The following AFF3 variants were observed in gnomAD, a reference collection of about 807,000 sequenced individuals.
AFF3 encodes AF4/FMR2 family member 3.
A neutral mutation model predicts 129.7 loss-of-function variants in AFF3; 32 were observed. The observed-to-expected ratio is 0.25, with a 90% CI of 0.19 to 0.33. The LOEUF (loss-of-function observed/expected upper bound fraction) is 0.33, where lower values mean the gene tolerates loss of function less well. Among genes scored for constraint, AFF3 ranks in the 10% least tolerant of loss-of-function variants. The pLI is 1.00. For synonymous variants in AFF3, 644 were observed against 635.4 expected (o/e 1.01, Z -0.20); for missense variants, 1,373 against 1,592.0 (o/e 0.86, Z 2.34).
At chr2:99,660,025 T>C (rs1686089252) in intron 12 of AFF3, among the ~76,000 whole-genome samples, 1 of 152,206 alleles carries the variant, frequency 6.6e-6, no homozygotes, top group Non-Finnish European at 1.5e-5. Context: ...GATGGCGATG[T>C]CCATTAATGG....
chr2:99,837,669 C>A, intron 7 of AFF3, 145 bp from the exon 8 acceptor site: 1 of 682,540 alleles, frequency 1.5e-6, no homozygotes, highest in Non-Finnish European at 2.5e-6. Flanking sequence ...GACTGGCAGA[C>A]AGGCTCCTTT....
intron 7 of AFF3, among the ~76,000 whole-genome samples, chr2:100,001,899 G>A (rs952202340): frequency 3.9e-5 from 6 of 152,202 alleles, no homozygotes; most frequent in African/African-American, 1.2e-4. Context: ...CCACTCTTTC[G>A]GGTATACGCA....
intron 12 of AFF3, among the ~76,000 whole-genome samples, chr2:99,662,686 C>T (rs986174323): frequency 3.9e-5 from 6 of 152,172 alleles, no homozygotes; most frequent in African/African-American, 1.2e-4. Context: ...ATAACATTGA[C>T]AATACAGTTC....
In AFF3 at chr2:99,848,474, G is replaced by A. The variant is rs536143279; in HGVS notation, c.874-10950C>T. Among the ~76,000 whole-genome samples, 219 of 152,160 alleles carry A rather than the reference G, an allele frequency of 1.4e-3. 1 individual carries two copies. Among genetic ancestry groups the A allele is most frequent in the Non-Finnish European group, 2.7e-3 (182 of 68,020 alleles). On this transcript the variant is annotated intron_variant, in intron 7 of 24. Coordinates refer to ENST00000672756, the MANE Select transcript of AFF3 (RefSeq NM_001386135.1). Reference sequence around the variant, plus strand: ...CCACTTTTTGGCTTCACAACCTTTGGCTTCTCTCAAGAGAATATTAGAGTA... The same window carrying A: ...CCACTTTTTGGCTTCACAACCTTTGACTTCTCTCAAGAGAATATTAGAGTA...
intron 8 of AFF3, among the ~76,000 whole-genome samples, chr2:99,788,810 G>A (rs189726687): frequency 2.6e-5 from 4 of 152,166 alleles, no homozygotes; most frequent in African/African-American, 9.6e-5. Flanking sequence ...CGTGGTAAGG[G>A]TCCTATGCAA....
chr2:99,826,551 G>A (rs988705266), intron 8 of AFF3, among the ~76,000 whole-genome samples: 155 of 152,240 alleles, frequency 1.0e-3, no homozygotes, highest in African/African-American at 3.6e-3. Context: ...TGCAGGAGTC[G>A]GTCAGCTAAA....
In AFF3 at chr2:99,668,465, C is replaced by T. The variant is rs560391175; in HGVS notation, c.1143+4073G>A. Among the ~76,000 whole-genome samples, 11 of 152,020 alleles carry T rather than the reference C, an allele frequency of 7.2e-5. No individual in the cohort carries two copies. The South Asian group carries it at 1.2e-3, about 17-fold the overall frequency. On this transcript the variant is annotated intron_variant, in intron 12 of 24. Transcript: ENST00000672756. ...GATTACAGGCATGAGCCACCACACCCCGCCGGGAAATAGAATTTTTAAGTT... is the reference window on the plus strand; with the variant it reads ...GATTACAGGCATGAGCCACCACACCTCGCCGGGAAATAGAATTTTTAAGTT...
intron 22 of AFF3, among the ~76,000 whole-genome samples, chr2:99,556,814 T>C (rs1674968455): frequency 6.6e-6 from 1 of 151,712 alleles, no homozygotes; most frequent in Non-Finnish European, 1.5e-5. Context: ...CTCAGCGACT[T>C]GGGAGGCTGA....
chr2:100,082,776 T>A (rs578195257), intron 4 of AFF3, among the ~76,000 whole-genome samples: 1 of 152,192 alleles, frequency 6.6e-6, no homozygotes, highest in Non-Finnish European at 1.5e-5. Context: ...TAGTGTGATA[T>A]GCATTCCTAT....
chr2:99,729,688 T>G (rs951382741), intron 10 of AFF3, among the ~76,000 whole-genome samples: 1 of 152,100 alleles, frequency 6.6e-6, no homozygotes, highest in African/African-American at 2.4e-5. Context: ...AAATGATGAA[T>G]GTAATGGAAC....
At chr2:99,924,171 C>T (rs922795705) in intron 7 of AFF3, among the ~76,000 whole-genome samples, 4 of 152,180 alleles carry the variant, frequency 2.6e-5, no homozygotes, top group African/African-American at 7.2e-5. Flanking sequence ...GAACAAACTT[C>T]GGTGTTCCAC....
chr2:99,952,666 TAAC>T (rs1221896112), intron 7 of AFF3, among the ~76,000 whole-genome samples: 1 of 152,232 alleles, frequency 6.6e-6, no homozygotes, highest in Non-Finnish European at 1.5e-5. Flanking sequence ...AAACTCATCT[TAAC>T]GATACTATTT....
rs1009982031 is a variant in AFF3 at position 100,044,483 on chromosome 2, T to C, written c.54-35551A>G. Among the ~76,000 whole-genome samples, 5 of 152,224 alleles carry C rather than the reference T, an allele frequency of 3.3e-5. 1 individual carries two copies. In the South Asian group the frequency reaches 8.3e-4, roughly 25 times the overall value. ...AGTGCAATGAACCTCAATGTCTTTT[T>C]TTCAAGCTGTTTTTCATTCTAAACA... On this transcript the variant is annotated intron_variant, in intron 4 of 24. Transcript: ENST00000672756.
At chr2:99,977,689 G>A (rs756571484) in intron 7 of AFF3, among the ~76,000 whole-genome samples, 5 of 152,182 alleles carry the variant, frequency 3.3e-5, no homozygotes, top group African/African-American at 7.2e-5. Context: ...TAGACCTTCA[G>A]ATTGGGCTCA....
At chr2:99,920,910 A>G (rs996152149) in intron 7 of AFF3, among the ~76,000 whole-genome samples, 2 of 152,128 alleles carry the variant, frequency 1.3e-5, no homozygotes, top group East Asian at 3.8e-4. Flanking sequence ...AACATCAAAT[A>G]CATACTTGGG....
chr2:99,780,098 A>C (rs914751772), intron 8 of AFF3, among the ~76,000 whole-genome samples: 6 of 152,144 alleles, frequency 3.9e-5, no homozygotes, highest in Non-Finnish European at 8.8e-5. Context: ...CTGTAGGAGG[A>C]GCAGGACTTA....
At chr2:99,643,029 T>G (rs1684349441) in intron 13 of AFF3, among the ~76,000 whole-genome samples, 1 of 152,026 alleles carries the variant, frequency 6.6e-6, no homozygotes, top group African/African-American at 2.4e-5. Context: ...TTTAAAAGTT[T>G]TTTATTCATA....
intron 7 of AFF3, among the ~76,000 whole-genome samples, chr2:99,968,398 A>G (rs1678000606): frequency 6.6e-6 from 1 of 152,210 alleles, no homozygotes. Context: ...AACCATAAGC[A>G]TCTACAGAGT....
chr2:99,906,898 CCTA>C (rs1481043162), intron 7 of AFF3, among the ~76,000 whole-genome samples: 1 of 151,882 alleles, frequency 6.6e-6, no homozygotes, highest in Non-Finnish European at 1.5e-5. Flanking sequence ...CCATATATCG[CCTA>C]CTGTTTCTGT....
Sources: gnomAD v4.1 joint callset for allele counts (sites outside exome capture counted in the v4.1 genomes callset) on GRCh38, gnomAD v4.1.1 for gene constraint, MANE v1.5 for transcripts, NCBI Gene and HGNC (gene_info 2026-07-23, HGNC 2026-07-21) for gene names.